The following NEDD4 variants were observed in gnomAD, a reference collection of about 807,000 sequenced individuals.
The protein encoded by NEDD4 is NEDD4 E3 ubiquitin protein ligase, also known as E3 ubiquitin-protein ligase NEDD4.
A neutral mutation model predicts 144.9 loss-of-function variants in NEDD4; 99 were observed. The ratio of observed to expected loss-of-function variants is 0.68; its 90% CI spans 0.58 to 0.81. The LOEUF is 0.81. Ranked by LOEUF, NEDD4 falls within the 30% of genes least tolerant of loss-of-function variation. The probability of loss-of-function intolerance (pLI) is 0.00; values close to 1 mark genes in which losing one functional copy is unlikely to be tolerated. For missense variants in NEDD4, 985 were observed against 1,065.9 expected, an observed-to-expected ratio of 0.92 and a Z score of 1.06; for synonymous variants, 318 against 350.6, an observed-to-expected ratio of 0.91 and a Z score of 1.04.
chr15:55,873,624 G>A (rs549643380), intron 6 of NEDD4, among the ~76,000 whole-genome samples: 3 of 151,876 alleles, frequency 2.0e-5, no homozygotes, highest in East Asian at 1.9e-4. Flanking sequence ...TTCCATTGTC[G>A]TAAACTATCT....
At chr15:55,928,857 A>C (rs55858643) in intron 4 of NEDD4, among the ~76,000 whole-genome samples, 11,953 of 152,342 alleles carry the variant, frequency 0.078, 570 homozygotes, top group Middle Eastern at 0.16. Flanking sequence ...TTTGTATTTC[A>C]GAAGCATATA....
At chr15:55,864,391 A>C (rs1178227842) in intron 8 of NEDD4, among the ~76,000 whole-genome samples, 1 of 152,122 alleles carries the variant, frequency 6.6e-6, no homozygotes, top group Non-Finnish European at 1.5e-5. Flanking sequence ...ATGATTAAAA[A>C]AAAAAATAGG....
At chr15:55,970,883 G>A (rs771690817) in intron 1 of NEDD4, among the ~76,000 whole-genome samples, 1 of 152,174 alleles carries the variant, frequency 6.6e-6, no homozygotes, top group African/African-American at 2.4e-5. Flanking sequence ...TCAGACATTA[G>A]TGAACATCCA....
chr15:55,834,322 G>A, intron 24 of NEDD4, 36 bp from the exon 25 acceptor site: 1 of 1,392,486 alleles, frequency 7.2e-7, no homozygotes, highest in Non-Finnish European at 1.0e-6. Context: ...TTGATGGGCA[G>A]GGCCAATGGC....
chr15:55,947,796 G>T (rs532854762), intron 4 of NEDD4, among the ~76,000 whole-genome samples: 1 of 152,080 alleles, frequency 6.6e-6, no homozygotes. Flanking sequence ...TTGATGGGAC[G>T]TATCTCAAAA....
chr15:55,915,073 C>T (rs1433034209), intron 5 of NEDD4, among the ~76,000 whole-genome samples: 1 of 152,106 alleles, frequency 6.6e-6, no homozygotes, highest in African/African-American at 2.4e-5. Context: ...TAAAAATATA[C>T]ATTTTGTACA....
intron 1 of NEDD4, among the ~76,000 whole-genome samples, chr15:55,978,284 G>C (rs1286572497): frequency 2.0e-5 from 3 of 152,092 alleles, no homozygotes; most frequent in Non-Finnish European, 2.9e-5. Context: ...ACAAAAATCA[G>C]AACTAGTTAT....
At chr15:55,875,096 T>C (rs1377147871) in intron 5 of NEDD4, among the ~76,000 whole-genome samples, 1 of 127,532 alleles carries the variant, frequency 7.8e-6, no homozygotes, top group African/African-American at 2.9e-5. Flanking sequence ...TGCAAAGAAA[T>C]AAAAAAAAAA....
intron 5 of NEDD4, chr15:55,916,161 C>A (rs1330546978): frequency 1.2e-6 from 2 of 1,613,886 alleles, no homozygotes; most frequent in Non-Finnish European, 1.7e-6. Context: ...AAAAATTTCA[C>A]AAGGAGTAGT....
chr15:55,840,429 T>C lies in NEDD4; in HGVS notation c.2031+18A>G. The C allele has an allele frequency of 1.9e-6, 3 of 1,605,792 alleles. No individual in the cohort carries two copies. The highest frequency in any genetic ancestry group is 1.1e-5 in the South Asian group (1 of 89,342). ...GTTAAATTATACTTCGTCTATACTA[T>C]AAGTGAAAAAGACATACCACAGATT... is the stretch of plus-strand genomic sequence containing the variant. On this transcript the variant is annotated intron_variant, in intron 21 of 28. Transcript: ENST00000435532.
At chr15:55,855,624 G>C (rs185649545) in intron 12 of NEDD4, among the ~76,000 whole-genome samples, 1 of 152,342 alleles carries the variant, frequency 6.6e-6, no homozygotes, top group East Asian at 1.9e-4. Context: ...GGACAGCACT[G>C]AGCAGGAAGC....
chr15:55,850,713 T>A lies in NEDD4; in HGVS notation c.1176A>T (p.Ser392=). The A allele has an allele frequency of 6.2e-7, 1 of 1,613,882 alleles. No individual in the cohort carries two copies. The highest frequency in any genetic ancestry group is 1.3e-5 in the African/African-American group (1 of 75,026). ...QATVETSQLT[S]SQSSAGPQSQ... Reference sequence around the variant, plus strand: ...ATTGAGGGCCTGCAGAACTCTGGCTTGAGGTCAGCTGACTGGTCTCCACTG... The same window carrying A: ...ATTGAGGGCCTGCAGAACTCTGGCTAGAGGTCAGCTGACTGGTCTCCACTG... The change falls in exon 14 of 29, where the codon TCA becomes TCT. Residue 392 remains serine, a synonymous_variant. Coordinates refer to ENST00000435532, the MANE Select transcript of NEDD4 (RefSeq NM_006154.4).
At chr15:55,847,993 A>C (rs2033819714) in intron 17 of NEDD4, among the ~76,000 whole-genome samples, 1 of 152,170 alleles carries the variant, frequency 6.6e-6, no homozygotes, top group Non-Finnish European at 1.5e-5. Flanking sequence ...AAAAAATTTA[A>C]GAATGACCCT....
intron 2 of NEDD4, among the ~76,000 whole-genome samples, chr15:55,958,339 T>C (rs1317438255): frequency 6.6e-6 from 1 of 152,336 alleles, no homozygotes; most frequent in South Asian, 2.1e-4. Context: ...TAATTAATTT[T>C]TTTAATGTTG....
intron 5 of NEDD4, among the ~76,000 whole-genome samples, chr15:55,902,467 G>C (rs2035941404): frequency 6.6e-6 from 1 of 152,074 alleles, no homozygotes; most frequent in South Asian, 2.1e-4. Flanking sequence ...ACGTGTTTAT[G>C]GGTACAATAT....
rs200856171 is a variant in NEDD4 at position 55,830,589 on chromosome 15, A to G, written c.2528-3T>C. ...AAATGACTGTGGTCCATTTGAACCT[A>G]TAAGGAAGAATTTATTTGGTTTCAT... On this transcript the variant is annotated splice_polypyrimidine_tract_variant and splice_region_variant and intron_variant, in intron 27 of 28. Transcript: ENST00000435532. 1.8e-4 allele frequency: 285 copies of G among 1,613,636 alleles called. 4 individuals carry two copies. In the South Asian group the frequency reaches 2.9e-3, roughly 16 times the overall value.
chr15:55,890,509 A>G (rs1171798227), intron 5 of NEDD4, among the ~76,000 whole-genome samples: 1 of 152,232 alleles, frequency 6.6e-6, no homozygotes, highest in African/African-American at 2.4e-5. Context: ...AGATTCATCC[A>G]TACTGTAACA....
intron 5 of NEDD4, 71 bp from the exon 6 acceptor site, chr15:55,874,079 T>G: frequency 1.2e-6 from 1 of 823,298 alleles, no homozygotes. Flanking sequence ...GATGAGATAG[T>G]GCCACCATTC....
intron 5 of NEDD4, among the ~76,000 whole-genome samples, chr15:55,876,244 A>G (rs1241006778): frequency 1.3e-5 from 2 of 152,210 alleles, no homozygotes; most frequent in African/African-American, 4.8e-5. Context: ...GGCACTACAG[A>G]ATATGCTATA....
Sources: gnomAD v4.1 joint callset for allele counts (sites outside exome capture counted in the v4.1 genomes callset) on GRCh38, gnomAD v4.1.1 for gene constraint, MANE v1.5 for transcripts, NCBI Gene and HGNC (gene_info 2026-07-23, HGNC 2026-07-21) for gene names.